Variants in LAMB4 observed in about 807,000 individuals in gnomAD.
The protein encoded by LAMB4 is laminin subunit beta-4.
LAMB4 carries 196 observed loss-of-function variants against 199.2 expected under a neutral mutation model. That is an observed-to-expected ratio of 0.98 (90% confidence interval 0.88 to 1.11). The LOEUF is 1.11. LAMB4 is among the 50% of genes least tolerant of loss of function. The pLI is 0.00. For missense variants in LAMB4, 2,080 were observed against 2,171.2 expected (o/e 0.96, Z 0.83); for synonymous variants, 744 against 770.6 (o/e 0.97, Z 0.57).
chr7:108,129,252 G>A (rs1563120136), intron 1 of LAMB4, among the ~76,000 whole-genome samples: 1 of 152,078 alleles, frequency 6.6e-6, no homozygotes. Context: ...CCTCTCCGCA[G>A]GAAAGACATG....
At chr7:108,056,867 G>T (rs1391644689) in intron 24 of LAMB4, among the ~76,000 whole-genome samples, 1 of 151,920 alleles carries the variant, frequency 6.6e-6, no homozygotes, top group African/African-American at 2.4e-5. Context: ...CTACTCTGGA[G>T]GCTGAGGTGG....
chr7:108,107,757 C>G lies in LAMB4; in HGVS notation c.465G>C (p.Val155=). 9.9e-6 allele frequency: 16 copies of G among 1,613,916 alleles called. No homozygotes were observed. Among genetic ancestry groups the G allele is most frequent in the Non-Finnish European group, 1.4e-5 (16 of 1,179,970 alleles). Residue 155 remains valine (V), a synonymous_variant, in exon 6 of 34, where the codon GTG becomes GTC. Transcript: ENST00000388781. ...CACAGTCTTTTGCAAAATATTTGAACACTTTCCAGTTGTGTCCATAGTCTG... is the reference window on the plus strand; with the variant it reads ...CACAGTCTTTTGCAAAATATTTGAAGACTTTCCAGTTGTGTCCATAGTCTG... ...RSTDYGHNWK[V]FKYFAKDCAT...
chr7:108,092,708 C>T (rs898977978), intron 12 of LAMB4, among the ~76,000 whole-genome samples: 3 of 152,080 alleles, frequency 2.0e-5, no homozygotes, highest in East Asian at 1.9e-4. Flanking sequence ...GAGTCTGAGA[C>T]CAGCCTGGCC....
In LAMB4 at chr7:108,065,865, G is replaced by C. The variant is rs2036318992; in HGVS notation, c.2733C>G (p.Cys911Trp). Residue 911 changes from cysteine (C) to tryptophan (W), a missense_variant, in exon 21 of 34, where the codon TGC (cysteine) becomes TGG (tryptophan). Physicochemically the swap from Cys to Trp is radical, Grantham distance 215 (BLOSUM62 -2). Coordinates refer to ENST00000388781, the MANE Select transcript of LAMB4 (RefSeq NM_007356.3). Reference sequence around the variant, plus strand: ...TGCTTGAGGGATCATCTGGACACAGGCAAGGACGACAGGGCTGTCCTGAAG... The same window carrying C: ...TGCTTGAGGGATCATCTGGACACAGCCAAGGACGACAGGGCTGTCCTGAAG... ...NPSSGQPCRP[C>W]LCPDDPSSNQ... 6.2e-7 allele frequency: 1 copy of C among 1,614,020 alleles called. No homozygotes were observed. The highest frequency in any genetic ancestry group is 8.5e-7 in the Non-Finnish European group (1 of 1,179,884).
intron 11 of LAMB4, among the ~76,000 whole-genome samples, chr7:108,096,562 T>G (rs2037605150): frequency 6.6e-6 from 1 of 152,152 alleles, no homozygotes; most frequent in African/African-American, 2.4e-5. Context: ...TGGTGATGAT[T>G]ACACAACTTC....
At chr7:108,068,193 A>T (rs765430812) in intron 18 of LAMB4, 34 bp from the exon 19 acceptor site, 7 of 1,610,818 alleles carry the variant, frequency 4.3e-6, no homozygotes, top group Non-Finnish European at 5.1e-6. Flanking sequence ...GTAGAAATGA[A>T]TGAAGAGGCA....
chr7:108,062,971 C>G lies in LAMB4; in HGVS notation c.3085G>C (p.Val1029Leu), dbSNP rs138272045. Reference protein sequence around the residue: ...CRRCSCHASGVSPMECPPGGG... With the variant: ...CRRCSCHASGLSPMECPPGGG... ...CCAGGGGGACACTCCATGGGACTCA[C>G]GCCGGAAGCATGGCAGGAGCATCCT... Residue 1029 changes from valine (V) to leucine (L), a missense_variant, in exon 23 of 34, where the codon GTG becomes CTG. Transcript: ENST00000388781. The G allele has an allele frequency of 6.3e-7, 1 of 1,577,878 alleles. No homozygotes were observed.
chr7:108,016,006 G>T, the LAMB4 span, among the ~76,000 whole-genome samples: 1 of 151,916 alleles, frequency 6.6e-6, no homozygotes, highest in Admixed American at 6.6e-5. Context: ...TACAGCTTAG[G>T]TCATTTATGT....
chr7:108,118,346 A>T (rs985656963), intron 2 of LAMB4, among the ~76,000 whole-genome samples: 10 of 152,160 alleles, frequency 6.6e-5, no homozygotes, highest in Admixed American at 5.9e-4. Context: ...AAGAAAATAA[A>T]GGCGAAGGAA....
In LAMB4 at chr7:108,126,554, C is replaced by CTTTTTTTTTTTTTT. The variant is rs71137605; in HGVS notation, c.-33-3371_-33-3358dup. The stretch of plus-strand genomic sequence containing the variant: ...TTGTAGGATGTGTCAGAATTTCTTT[C>CTTTTTTTTTTTTTT]TTTTTTTTTTTTTTTTTTTTTGAGA... On this transcript the variant is annotated intron_variant, in intron 1 of 33. Transcript: ENST00000388781. Among the ~76,000 whole-genome samples the CTTTTTTTTTTTTTT allele has an allele frequency of 2.3e-4, 19 of 83,532 alleles. 1 individual carries two copies. The highest frequency in any genetic ancestry group is 4.2e-4 in the East Asian group (1 of 2,394). 54.8% of individuals were successfully genotyped at this position (83,532 alleles called of 152,430 possible). A position where few individuals can be genotyped will look rare whatever the true frequency, so the allele number is the denominator to read the frequency against.
intron 1 of LAMB4, 65 bp from the exon 2 acceptor site, chr7:108,123,262 T>C (rs961092883): frequency 1.1e-5 from 11 of 979,290 alleles, no homozygotes; most frequent in Non-Finnish European, 1.7e-5. Flanking sequence ...TCACATGTTA[T>C]GTAAAAGTGC....
chr7:108,087,698 C>T (rs2150599840), intron 14 of LAMB4, among the ~76,000 whole-genome samples: 1 of 151,482 alleles, frequency 6.6e-6, no homozygotes, highest in African/African-American at 2.4e-5. Context: ...TGTGTCTTTC[C>T]TTCTCCATGT....
At chr7:108,057,979 A>T in intron 23 of LAMB4, 51 bp from the exon 24 acceptor site, 1 of 1,255,768 alleles carries the variant, frequency 8.0e-7, no homozygotes, top group Non-Finnish European at 1.2e-6. Flanking sequence ...GGTCTAAAAA[A>T]AAATGCATTT....
chr7:108,129,564 G>A (rs1584810848), intron 1 of LAMB4, among the ~76,000 whole-genome samples: 2 of 149,176 alleles, frequency 1.3e-5, no homozygotes, highest in Admixed American at 1.3e-4. Context: ...TGGAGACAGA[G>A]TCTTCCTCTG....
intron 28 of LAMB4, among the ~76,000 whole-genome samples, chr7:108,046,316 C>G (rs2035623528): frequency 6.7e-6 from 1 of 150,292 alleles, no homozygotes. Context: ...GTCTCGAACT[C>G]CTGACTTCAG....
At chr7:108,023,336 A>G (rs1450294794), downstream of LAMB4, among the ~76,000 whole-genome samples, 6 of 152,246 alleles carry the variant, frequency 3.9e-5, no homozygotes, top group South Asian at 1.0e-3. Flanking sequence ...TCATTTTGAA[A>G]TGAGACAATC....
At chr7:108,113,836 G>GATA (rs1490495672) in intron 3 of LAMB4, among the ~76,000 whole-genome samples, 3 of 152,156 alleles carry the variant, frequency 2.0e-5, no homozygotes, top group African/African-American at 7.2e-5. Flanking sequence ...CTCTTTCTTA[G>GATA]ATAACAGATG....
rs1231924700 is a variant in LAMB4 at position 108,034,375 on chromosome 7, A to T, written c.4680-29T>A. ...AGGTAAGATATTAACATATCAGATT[A>T]GATAAATACACAATTATTCACTTAT... On this transcript the variant is annotated intron_variant, in intron 30 of 33. Transcript: ENST00000388781. 2.6e-6 allele frequency: 4 copies of T among 1,518,806 alleles called. No homozygotes were observed. In the Admixed American group the frequency reaches 5.0e-5, roughly 19 times the overall value. The allele number at this position is 1,518,806 out of a possible 1,614,324, so 94.1% of individuals were successfully genotyped here.
chr7:108,087,338 C>G (rs896104995), intron 14 of LAMB4, among the ~76,000 whole-genome samples: 4 of 152,086 alleles, frequency 2.6e-5, no homozygotes, highest in Non-Finnish European at 4.4e-5. Context: ...GAGAAGGTCT[C>G]TTATGTGTAA....
Sources: allele counts gnomAD v4.1 joint callset (sites outside exome capture counted in the v4.1 genomes callset), GRCh38; gene constraint gnomAD v4.1.1; transcripts MANE v1.5; gene names NCBI Gene and HGNC (gene_info 2026-07-23, HGNC 2026-07-21).